Variants in CAMK1 observed in about 807,000 individuals in gnomAD.
The protein encoded by CAMK1 is calcium/calmodulin-dependent protein kinase type 1.
Under a neutral mutation model 49.1 loss-of-function variants are expected in CAMK1, and 39 were observed. That is an observed-to-expected ratio of 0.79 (90% confidence interval 0.62 to 1.04). The LOEUF is 1.04. Ranked by LOEUF, CAMK1 falls within the 50% of genes least tolerant of loss-of-function variation. The pLI is 0.00. For missense variants in CAMK1, 457 were observed against 472.2 expected (o/e 0.97, Z 0.30); for synonymous variants, 192 against 185.2 (o/e 1.04, Z -0.30).
rs2077663035 is a variant in CAMK1, at chr3:9,757,921, T to C, written c.913-75A>G. The C allele has an allele frequency of 1.3e-6, 2 of 1,521,258 alleles. No homozygotes were observed. The highest frequency in any genetic ancestry group is 8.8e-7 in the Non-Finnish European group (1 of 1,133,796). The allele number at this position is 1,521,258 out of a possible 1,614,324, so 94.2% of individuals were successfully genotyped here. On this transcript the variant is annotated intron_variant, in intron 10 of 11. Transcript: ENST00000256460. The surrounding 1 kb of genome is among the most constrained non-coding windows in gnomAD (Gnocchi z 4.5). ...GTCAAGTCATGGGGCAGGGGCGCAGTGGGATTCTTGCAATTGTTCTGTTAT... is the reference window on the plus strand; with the variant it reads ...GTCAAGTCATGGGGCAGGGGCGCAGCGGGATTCTTGCAATTGTTCTGTTAT...
chr3:9,757,957 G>T lies in CAMK1; in HGVS notation c.913-111C>A, dbSNP rs953740336. On this transcript the variant is annotated intron_variant, in intron 10 of 11. Transcript: ENST00000256460. The surrounding 1 kb of genome is among the most constrained non-coding windows in gnomAD (Gnocchi z 4.5). ...CAATTGTTCTGTTATTTTCATTCAG[G>T]AGTTATTTTATTAATTCCCCTAAAG... 1.3e-6 allele frequency: 2 copies of T among 1,488,414 alleles called. No homozygotes were observed. The highest frequency in any genetic ancestry group is 2.5e-5 in the Admixed American group (1 of 40,624). The allele number at this position is 1,488,414 out of a possible 1,614,324, so 92.2% of individuals were successfully genotyped here. A position where few individuals can be genotyped will look rare whatever the true frequency, so the allele number is the denominator to read the frequency against.
intron 5 of CAMK1, 94 bp downstream of exon 5, chr3:9,762,820 G>A: frequency 8.1e-7 from 1 of 1,234,672 alleles, no homozygotes; most frequent in Non-Finnish European, 1.2e-6. Flanking sequence ...AAGGCTCAGT[G>A]AGGGGGTGAA....
In CAMK1 at chr3:9,765,887, C is replaced by A; in HGVS notation, c.87G>T (p.Gly29=). The change falls in exon 3 of 12, where the codon GGG becomes GGT. Residue 29 remains glycine, a synonymous_variant. Transcript: ENST00000256460. ...IYDFRDVLGT[G]AFSEVILAED... is the part of the protein sequence containing the mutation. Reference sequence around the variant, plus strand: ...CTGCCAGGATCACCTCCGAGAAGGCCCCCCTATCGGGAGAGGGGATTCACA... The same window carrying A: ...CTGCCAGGATCACCTCCGAGAAGGCACCCCTATCGGGAGAGGGGATTCACA... The A allele has an allele frequency of 1.9e-6, 3 of 1,614,148 alleles. No individual in the cohort carries two copies. Among genetic ancestry groups the A allele is most frequent in the East Asian group, 2.2e-5 (1 of 44,878 alleles).
At chr3:9,758,006 T>C in intron 10 of CAMK1, 160 bp from the exon 11 acceptor site, 1 of 1,188,778 alleles carries the variant, frequency 8.4e-7, no homozygotes. Context: ...TCTACAAGGC[T>C]TTATTATATA....
At chr3:9,768,377 G>A (rs2125599133) in intron 1 of CAMK1, among the ~76,000 whole-genome samples, 1 of 152,288 alleles carries the variant, frequency 6.6e-6, no homozygotes, top group South Asian at 2.1e-4. Context: ...CCCCATCTGG[G>A]TCCCGGGAGC....
At chr3:9,769,115 TCCACA>T (rs999855117) in intron 1 of CAMK1, among the ~76,000 whole-genome samples, 1 of 151,724 alleles carries the variant, frequency 6.6e-6, no homozygotes, top group African/African-American at 2.4e-5. Context: ...AGCACACATG[TCCACA>T]CCACACAGTG....
rs1014096001 is a variant in CAMK1, at chr3:9,761,819, C to CT, written c.430-63dup. 4 of 1,592,550 alleles carry CT rather than the reference C, an allele frequency of 2.5e-6. No individual in the cohort carries two copies. In the African/African-American group the frequency reaches 5.4e-5, roughly 21 times the overall value. On this transcript the variant is annotated intron_variant, in intron 5 of 11. Coordinates refer to ENST00000256460, the MANE Select transcript of CAMK1 (RefSeq NM_003656.5). ...GATGGTTAGAGGCTGGTAGAACCTT[C>CT]TGCCGCTCCAAGCACCTTCTGAGAA... is the stretch of plus-strand genomic sequence containing the variant.
chr3:9,766,405 A>AACC, intron 2 of CAMK1: 1 of 515,974 alleles, frequency 1.9e-6, no homozygotes, highest in African/African-American at 1.9e-5. Context: ...CACCCTTTAG[A>AACC]ACCTTAAAGA....
In CAMK1 at chr3:9,758,330, C is replaced by A. The variant is rs115910621; in HGVS notation, c.913-484G>T. On this transcript the variant is annotated intron_variant, in intron 10 of 11. Transcript: ENST00000256460. Reference sequence around the variant, plus strand: ...TCACCATGTCTAAAACTAAAACCATCCCCCCAAAACATGTTTCTGTCCCTG... The same window carrying A: ...TCACCATGTCTAAAACTAAAACCATACCCCCAAAACATGTTTCTGTCCCTG... The A allele has an allele frequency of 9.3e-3, 1,441 of 155,350 alleles. 11 individuals are homozygous for A. The highest frequency in any genetic ancestry group is 0.037 in the Middle Eastern group (11 of 294). 9.6% of individuals were successfully genotyped at this position (155,350 alleles called of 1,614,324 possible).
chr3:9,757,433 G>C lies in CAMK1; in HGVS notation c.*106C>G, dbSNP rs1293206627. 1.2e-6 allele frequency: 2 copies of C among 1,607,680 alleles called. No homozygotes were observed. The highest frequency in any genetic ancestry group is 2.2e-5 in the South Asian group (2 of 90,496). On this transcript the variant is annotated 3_prime_UTR_variant, in exon 12 of 12. Coordinates refer to ENST00000256460, the MANE Select transcript of CAMK1 (RefSeq NM_003656.5). The surrounding 1 kb of genome is among the most constrained non-coding windows in gnomAD (Gnocchi z 4.5). ...TGCAGTGAGGAGTGGTAGGGAAGCA[G>C]GTGAGGAGGGGACAGGGCAGAGAAA...
In CAMK1 at chr3:9,763,222, A is replaced by T; in HGVS notation, c.216-9T>A. The T allele has an allele frequency of 6.2e-7, 1 of 1,613,784 alleles. No individual in the cohort carries two copies. Among genetic ancestry groups the T allele is most frequent in the Non-Finnish European group, 8.5e-7 (1 of 1,180,002 alleles). On this transcript the variant is annotated splice_polypyrimidine_tract_variant and intron_variant, in intron 3 of 11. Coordinates refer to ENST00000256460, the MANE Select transcript of CAMK1 (RefSeq NM_003656.5). ...TGTTGGGGTGCTTGATCCTGAAAGG[A>T]GAAATGAGGTGGTTTAGCCAGGCAT...
intron 10 of CAMK1, chr3:9,758,158 AATTC>A: frequency 4.7e-6 from 1 of 210,974 alleles, no homozygotes; most frequent in East Asian, 1.1e-4. Flanking sequence ...TTTACGTAGT[AATTC>A]ATTTAATCTT....
Position 9,758,935 on chromosome 3 carries a change from A to C in CAMK1, c.912+553T>G, listed in dbSNP as rs952426737. 40 of 456,026 alleles carry C rather than the reference A, an allele frequency of 8.8e-5. No homozygotes were observed. In the Admixed American group the frequency reaches 1.3e-3, roughly 15 times the overall value. 28.2% of individuals were successfully genotyped at this position (456,026 alleles called of 1,614,324 possible). On this transcript the variant is annotated intron_variant, in intron 10 of 11. Transcript: ENST00000256460. Reference sequence around the variant, plus strand: ...GTGAGCCACCATGCCTGGCCCTGAGAGCCCTTTCTATGCAGCAAATACTTG... The same window carrying C: ...GTGAGCCACCATGCCTGGCCCTGAGCGCCCTTTCTATGCAGCAAATACTTG...
Position 9,765,792 on chromosome 3 carries a change from C to A in CAMK1, c.182G>T (p.Gly61Val), listed in dbSNP as rs1315829208. The change falls in exon 3 of 12, where the codon GGC (glycine) becomes GTC (valine). Residue 61 changes from glycine (G) to valine (V), a missense_variant. Physicochemically the swap from Gly to Val is moderately radical, Grantham distance 109. Coordinates refer to ENST00000256460, the MANE Select transcript of CAMK1 (RefSeq NM_003656.5). ...IAKEALEGKE[G>V]SMENEIAVLH... ...GACAGCAATCTCATTCTCCATGCTG[C>A]CTTCCTTGCCCTCCAGGGCCTCCTT... 4.3e-6 allele frequency: 7 copies of A among 1,614,060 alleles called. No individual in the cohort carries two copies. The highest frequency in any genetic ancestry group is 3.3e-4 in the Middle Eastern group (2 of 6,060).
chr3:9,766,450 G>C (rs1183463842), intron 2 of CAMK1: 1 of 416,852 alleles, frequency 2.4e-6, no homozygotes, highest in African/African-American at 2.0e-5. Flanking sequence ...TTTTAGAAAT[G>C]CAAAATCTCT....
At chr3:9,758,588 G>T (rs755499328) in intron 10 of CAMK1, 1 of 157,046 alleles carries the variant, frequency 6.4e-6, no homozygotes. Context: ...CTCCTAATGC[G>T]TCACCCAGTC....
chr3:9,766,296 C>T lies in CAMK1; in HGVS notation c.84-406G>A, dbSNP rs2078149367. On this transcript the variant is annotated intron_variant, in intron 2 of 11. Coordinates refer to ENST00000256460, the MANE Select transcript of CAMK1 (RefSeq NM_003656.5). ...TTTCCTGATAACATTATGTGGCCCT[C>T]TGGATCCAGCCATGCCTGAGGTCTA... The T allele has an allele frequency of 4.3e-6, 3 of 699,908 alleles. No individual in the cohort carries two copies. The South Asian group carries it at 4.5e-5, about 10-fold the overall frequency. The allele number at this position is 699,908 out of a possible 1,614,324, so 43.4% of individuals were successfully genotyped here. A position where few individuals can be genotyped will look rare whatever the true frequency, so the allele number is the denominator to read the frequency against.
intron 7 of CAMK1, chr3:9,761,061 C>G (rs557839569): frequency 2.5e-6 from 1 of 401,982 alleles, no homozygotes; most frequent in South Asian, 2.9e-5. Flanking sequence ...TCATCACCTC[C>G]ACAGCGAGCC....
chr3:9,759,937 C>CT, intron 8 of CAMK1, 187 bp from the exon 9 acceptor site: 1 of 823,730 alleles, frequency 1.2e-6, no homozygotes. Context: ...CAGCTCTTTC[C>CT]TTTCTCTCTT....
Sources: allele counts gnomAD v4.1 joint callset (sites outside exome capture counted in the v4.1 genomes callset), GRCh38; gene constraint gnomAD v4.1.1; non-coding constraint Gnocchi (gnomAD v3.1); transcripts MANE v1.5; gene names NCBI Gene and HGNC (gene_info 2026-07-23, HGNC 2026-07-21).